Variants in GUCY1A2 observed in about 807,000 individuals in gnomAD.
GUCY1A2 encodes guanylate cyclase soluble subunit alpha-2.
A neutral mutation model predicts 63.5 loss-of-function variants in GUCY1A2; 27 were observed. The ratio of observed to expected loss-of-function variants is 0.43; its 90% CI spans 0.31 to 0.59. The LOEUF (loss-of-function observed/expected upper bound fraction) is 0.59. Ranked by LOEUF, GUCY1A2 falls within the 20% of genes least tolerant of loss-of-function variation. GUCY1A2 has a pLI of 0.11. For missense variants in GUCY1A2, 768 were observed against 913.3 expected (o/e 0.84, Z 2.05); for synonymous variants, 364 against 343.5 (o/e 1.06, Z -0.66).
At chr11:106,925,093 C>T (rs1369021935) in intron 4 of GUCY1A2, among the ~76,000 whole-genome samples, 1 of 151,922 alleles carries the variant, frequency 6.6e-6, no homozygotes, top group East Asian at 1.9e-4. Context: ...AACTATTATG[C>T]TTATCAGGTT....
chr11:106,947,287 T>C (rs1860843626), intron 3 of GUCY1A2, among the ~76,000 whole-genome samples: 1 of 151,004 alleles, frequency 6.6e-6, no homozygotes, highest in Admixed American at 6.6e-5. Context: ...CTAATACATG[T>C]CTCTCAGTAC....
chr11:106,698,882 A>G (rs1295538787), intron 7 of GUCY1A2, among the ~76,000 whole-genome samples: 1 of 152,206 alleles, frequency 6.6e-6, no homozygotes, highest in African/African-American at 2.4e-5. Flanking sequence ...TTAATCAGTC[A>G]GTAGTGATTC....
At chr11:106,898,758 TATG>T (rs1860085971) in intron 4 of GUCY1A2, among the ~76,000 whole-genome samples, 1 of 152,184 alleles carries the variant, frequency 6.6e-6, no homozygotes, top group African/African-American at 2.4e-5. Context: ...AAATATTCCA[TATG>T]ATACTATAAT....
At chr11:106,788,041 G>C (rs562787055) in intron 5 of GUCY1A2, among the ~76,000 whole-genome samples, 1 of 152,178 alleles carries the variant, frequency 6.6e-6, no homozygotes, top group African/African-American at 2.4e-5. Flanking sequence ...ATTTTCTCCA[G>C]TATTTATTAT....
intron 4 of GUCY1A2, among the ~76,000 whole-genome samples, chr11:106,844,152 T>A (rs777345982): frequency 6.6e-6 from 1 of 151,864 alleles, no homozygotes; most frequent in Non-Finnish European, 1.5e-5. Context: ...TTCCTTTGTA[T>A]TCTGGAATCT....
intron 6 of GUCY1A2, among the ~76,000 whole-genome samples, chr11:106,724,447 C>T (rs1312864747): frequency 3.3e-5 from 5 of 152,178 alleles, no homozygotes; most frequent in Admixed American, 1.3e-4. Context: ...TCCTTCCCTC[C>T]GGCCCCATCT....
At chr11:106,730,171 G>A (rs1472101448) in intron 6 of GUCY1A2, among the ~76,000 whole-genome samples, 5 of 146,504 alleles carry the variant, frequency 3.4e-5, no homozygotes, top group Non-Finnish European at 6.0e-5. Context: ...TTGTTATATA[G>A]GTAAATTGCA....
At chr11:106,888,055 T>C (rs1208115741) in intron 4 of GUCY1A2, among the ~76,000 whole-genome samples, 2 of 152,252 alleles carry the variant, frequency 1.3e-5, no homozygotes, top group Non-Finnish European at 2.9e-5. Flanking sequence ...AAAGTCTCTC[T>C]CTGAAGAGTG....
At chr11:106,784,600 A>G (rs928413608) in intron 5 of GUCY1A2, among the ~76,000 whole-genome samples, 1 of 152,152 alleles carries the variant, frequency 6.6e-6, no homozygotes, top group Non-Finnish European at 1.5e-5. Context: ...TTAATCAGAC[A>G]TTATATTGTG....
intron 4 of GUCY1A2, among the ~76,000 whole-genome samples, chr11:106,889,750 A>G (rs925375863): frequency 6.6e-6 from 1 of 152,194 alleles, no homozygotes; most frequent in Non-Finnish European, 1.5e-5. Flanking sequence ...TATTGTGCAT[A>G]TGGCTTTACA....
At chr11:106,911,754 C>G (rs1013072763) in intron 4 of GUCY1A2, among the ~76,000 whole-genome samples, 2 of 151,850 alleles carry the variant, frequency 1.3e-5, no homozygotes, top group Non-Finnish European at 2.9e-5. Context: ...TTTTTAAAGT[C>G]CTTTTTAAAG....
At chr11:106,796,341 C>G (rs972908311) in intron 5 of GUCY1A2, among the ~76,000 whole-genome samples, 1 of 152,078 alleles carries the variant, frequency 6.6e-6, no homozygotes, top group African/African-American at 2.4e-5. Context: ...GAATTTGATC[C>G]TGTCATTATG....
chr11:106,962,985 AC>A (rs1424132683), intron 3 of GUCY1A2, among the ~76,000 whole-genome samples: 1 of 152,094 alleles, frequency 6.6e-6, no homozygotes, highest in Non-Finnish European at 1.5e-5. Context: ...AGTTGACTTT[AC>A]ACGCCTATTA....
intron 4 of GUCY1A2, among the ~76,000 whole-genome samples, chr11:106,869,049 A>G (rs1465490720): frequency 6.6e-6 from 1 of 152,234 alleles, no homozygotes; most frequent in Non-Finnish European, 1.5e-5. Flanking sequence ...AAAACTGGCT[A>G]GCCATATGTA....
At chr11:106,942,057 T>G (rs1231331447) in intron 3 of GUCY1A2, among the ~76,000 whole-genome samples, 4 of 152,208 alleles carry the variant, frequency 2.6e-5, no homozygotes, top group Non-Finnish European at 4.4e-5. Context: ...AGTACTTATC[T>G]GTCCAGTTCT....
chr11:106,760,457 G>A (rs182057177), intron 6 of GUCY1A2, among the ~76,000 whole-genome samples: 16 of 152,162 alleles, frequency 1.1e-4, no homozygotes, highest in African/African-American at 2.2e-4. Context: ...TAAAACGATC[G>A]TTTATGTGAG....
chr11:106,812,290 T>C (rs1291760428), intron 4 of GUCY1A2, among the ~76,000 whole-genome samples: 1 of 151,972 alleles, frequency 6.6e-6, no homozygotes, highest in Non-Finnish European at 1.5e-5. Flanking sequence ...AACTTCTATG[T>C]AGTCTCTCTC....
rs375679989 is a variant in GUCY1A2, at chr11:106,820,350, C to T, written c.1207-9872G>A. Among the ~76,000 whole-genome samples the T allele has an allele frequency of 1.6e-4, 24 of 152,276 alleles. No individual in the cohort carries two copies. The East Asian group carries it at 2.3e-3, about 15-fold the overall frequency. On this transcript the variant is annotated intron_variant, in intron 4 of 7. Transcript: ENST00000526355. ...TCACAGCCATGCAACCTTCAGCACA[C>T]GCTACCTTGATTAGTGAGCAGCCAG...
rs1020052259 is a variant in GUCY1A2 at position 106,681,626 on chromosome 11, G to C, written c.*5923C>G. On this transcript the variant is annotated 3_prime_UTR_variant, in exon 8 of 8. Transcript: ENST00000526355. ...GATAGATTAAACATGTCATTTGCCC[G>C]AATATTTTTAATCTGAGTCATTACT... 3.6e-5 allele frequency: 8 copies of C among 222,256 alleles called. No homozygotes were observed. 13.8% of individuals were successfully genotyped at this position (222,256 alleles called of 1,614,324 possible). A position where few individuals can be genotyped will look rare whatever the true frequency, so the allele number is the denominator to read the frequency against.
Sources: gnomAD v4.1 joint callset for allele counts (sites outside exome capture counted in the v4.1 genomes callset) on GRCh38, gnomAD v4.1.1 for gene constraint, MANE v1.5 for transcripts, NCBI Gene and HGNC (gene_info 2026-07-23, HGNC 2026-07-21) for gene names.